POLR3G: variants seen among roughly 807,000 people sequenced by gnomAD.
POLR3G encodes DNA-directed RNA polymerase III subunit RPC7.
In POLR3G, 28 loss-of-function variants were observed where a neutral mutation model predicts 30.1. That is an observed-to-expected ratio of 0.93 (90% CI 0.69 to 1.27). The LOEUF is 1.27. POLR3G is among the 50% of genes most tolerant of loss of function. POLR3G has a pLI of 0.00. For missense variants in POLR3G, 254 were observed against 264.6 expected (o/e 0.96, Z 0.28); for synonymous variants, 79 against 82.5 (o/e 0.96, Z 0.23).
chr5:90,474,304 G>A (rs769274079), upstream of POLR3G: 6 of 1,611,134 alleles, frequency 3.7e-6, no homozygotes, highest in Non-Finnish European at 5.1e-6. Context: ...CTGGGCAGGG[G>A]TGCAGCCAGG....
At chr5:90,488,786 A>G (rs149305341) in intron 3 of POLR3G, among the ~76,000 whole-genome samples, 142 of 151,472 alleles carry the variant, frequency 9.4e-4, no homozygotes, top group African/African-American at 3.1e-3. Context: ...GGTGTTTGAT[A>G]TGATGTAAAA....
At chr5:90,480,810 G>C (rs929147307) in intron 1 of POLR3G, among the ~76,000 whole-genome samples, 4 of 152,188 alleles carry the variant, frequency 2.6e-5, no homozygotes, top group Non-Finnish European at 5.9e-5. Flanking sequence ...AGTAGGCCTA[G>C]TGGGCTCTTG....
chr5:90,479,671 T>C (rs1475884802), intron 1 of POLR3G, among the ~76,000 whole-genome samples: 1 of 152,058 alleles, frequency 6.6e-6, no homozygotes, highest in East Asian at 1.9e-4. Context: ...GAAGTGGTTG[T>C]TGTGGTTGCT....
chr5:90,496,034 C>G (rs948397862), intron 4 of POLR3G, among the ~76,000 whole-genome samples: 3 of 152,000 alleles, frequency 2.0e-5, no homozygotes, highest in Non-Finnish European at 2.9e-5. Context: ...TGCAGTGGCA[C>G]GATATCGGCT....
At chr5:90,510,868 TA>T (rs35627067) in intron 7 of POLR3G, among the ~76,000 whole-genome samples, 47,223 of 142,714 alleles carry the variant, frequency 0.33, 7,520 homozygotes, top group Middle Eastern at 0.37. Flanking sequence ...TATCCAGATT[TA>T]AAAAAAAAAA....
In POLR3G at chr5:90,506,635, C is replaced by T. The variant is rs772828065; in HGVS notation, c.546C>T (p.Ala182=). The part of the protein sequence containing the change: ...KEGDDDDDDD[A]AEQEEYDEEE... ...GTGATGATGACGATGACGATGATGC[C>T]GCAGAACAGGAGGAATATGATGAAG... Residue 182 remains alanine, a synonymous_variant, in exon 7 of 8, where the codon GCC becomes GCT. Transcript: ENST00000651687. 1.9e-5 allele frequency: 30 copies of T among 1,611,352 alleles called. No homozygotes were observed. Among genetic ancestry groups the T allele is most frequent in the Middle Eastern group, 1.6e-4 (1 of 6,072 alleles).
intron 6 of POLR3G, among the ~76,000 whole-genome samples, 171 bp from the exon 7 acceptor site, chr5:90,506,357 C>A (rs897373675): frequency 2.0e-5 from 3 of 152,162 alleles, no homozygotes; most frequent in African/African-American, 7.2e-5. Flanking sequence ...AGTGGTGAGA[C>A]AGTAAATTCC....
intron 2 of POLR3G, among the ~76,000 whole-genome samples, chr5:90,487,285 C>A (rs958123299): frequency 6.0e-5 from 9 of 149,534 alleles, no homozygotes; most frequent in Middle Eastern, 7.0e-3. Flanking sequence ...TATTTTTTTC[C>A]AATAATACCA....
At chr5:90,480,807 C>T (rs998777186) in intron 1 of POLR3G, among the ~76,000 whole-genome samples, 7 of 152,132 alleles carry the variant, frequency 4.6e-5, no homozygotes, top group Admixed American at 6.6e-5. Context: ...TTGAGTAGGC[C>T]TAGTGGGCTC....
rs1462488035 is a variant in POLR3G, at chr5:90,500,969, T to TAC, written c.356-936_356-935dup. Among the ~76,000 whole-genome samples the TAC allele has an allele frequency of 3.3e-5, 5 of 152,262 alleles. No homozygotes were observed. In the East Asian group the frequency reaches 9.6e-4, roughly 29 times the overall value. On this transcript the variant is annotated intron_variant, in intron 5 of 7. Transcript: ENST00000651687. The stretch of plus-strand genomic sequence containing the variant: ...TGACTGGCAGAATTTATATGTGAAA[T>TAC]ACTTCTCTAGACCCTGCACTTTCAG...
chr5:90,474,292 T>C, upstream of POLR3G: 1 of 1,612,790 alleles, frequency 6.2e-7, no homozygotes, highest in Middle Eastern at 1.7e-4. Flanking sequence ...AGCGCCGACA[T>C]GCTGGGCAGG....
intron 3 of POLR3G, 86 bp from the exon 4 acceptor site, chr5:90,495,591 T>A: frequency 6.6e-7 from 1 of 1,519,144 alleles, no homozygotes; most frequent in Non-Finnish European, 8.8e-7. Flanking sequence ...ATGTTGTCTG[T>A]TGTTTTCAAT....
intron 3 of POLR3G, among the ~76,000 whole-genome samples, chr5:90,494,461 A>G (rs2151908445): frequency 6.6e-6 from 1 of 152,326 alleles, no homozygotes; most frequent in Non-Finnish European, 1.5e-5. Context: ...ATTTTGAGGA[A>G]CTGCCAAACA....
intron 3 of POLR3G, among the ~76,000 whole-genome samples, chr5:90,489,915 T>A (rs921693002): frequency 8.5e-5 from 13 of 152,242 alleles, no homozygotes; most frequent in African/African-American, 2.4e-4. Context: ...GAGATCAGCC[T>A]GGCCAACATG....
At chr5:90,500,032 T>C (rs896062070) in intron 5 of POLR3G, among the ~76,000 whole-genome samples, 4 of 152,218 alleles carry the variant, frequency 2.6e-5, no homozygotes, top group African/African-American at 9.6e-5. Context: ...AGTTAATGTT[T>C]TCAAATATGT....
chr5:90,481,895 G>C (rs1751142300), intron 1 of POLR3G, among the ~76,000 whole-genome samples: 2 of 152,070 alleles, frequency 1.3e-5, no homozygotes, highest in South Asian at 4.1e-4. Context: ...ACATACTGAA[G>C]AGTTTAAAAT....
intron 3 of POLR3G, 120 bp downstream of exon 3, chr5:90,488,249 C>A: frequency 1.2e-6 from 1 of 860,620 alleles, no homozygotes. Context: ...TTATCAACTA[C>A]TTTGAAAAAG....
intron 3 of POLR3G, among the ~76,000 whole-genome samples, chr5:90,493,726 A>G (rs1235807887): frequency 2.9e-5 from 1 of 34,070 alleles, no homozygotes; most frequent in Non-Finnish European, 5.9e-5. Context: ...TTTTTTTTTG[A>G]GACAAGAGTC....
intron 5 of POLR3G, among the ~76,000 whole-genome samples, chr5:90,498,517 C>T (rs1382406946): frequency 6.6e-6 from 1 of 152,132 alleles, no homozygotes; most frequent in Non-Finnish European, 1.5e-5. Flanking sequence ...TAAGTGAGAA[C>T]ATGCAATATT....
Sources: gnomAD v4.1 joint callset for allele counts (sites outside exome capture counted in the v4.1 genomes callset) on GRCh38, gnomAD v4.1.1 for gene constraint, MANE v1.5 for transcripts, NCBI Gene and HGNC (gene_info 2026-07-23, HGNC 2026-07-21) for gene names.